DOCK2: variants seen among roughly 807,000 people sequenced by gnomAD.
DOCK2 encodes dedicator of cytokinesis 2, also known as dedicator of cytokinesis protein 2.
Under a neutral mutation model 248.9 loss-of-function variants are expected in DOCK2, and 87 were observed. That is an observed-to-expected ratio of 0.35 (90% confidence interval 0.29 to 0.42). The LOEUF is 0.42. Among genes scored for constraint, DOCK2 ranks in the 10% least tolerant of loss-of-function variants. The pLI is 1.00. For missense variants in DOCK2, 1,747 were observed against 2,300.2 expected, an observed-to-expected ratio of 0.76 and a Z score of 4.92; for synonymous variants, 805 against 821.6, an observed-to-expected ratio of 0.98 and a Z score of 0.35.
At chr5:170,075,024 A>C (rs1215215312) in intron 46 of DOCK2, among the ~76,000 whole-genome samples, 1 of 152,182 alleles carries the variant, frequency 6.6e-6, no homozygotes, top group Non-Finnish European at 1.5e-5. Context: ...TGGCAGGTTT[A>C]TGAATGTCTC....
At chr5:169,729,622 CAGAT>C (rs1272704217) in intron 22 of DOCK2, among the ~76,000 whole-genome samples, 1 of 152,202 alleles carries the variant, frequency 6.6e-6, no homozygotes, top group Non-Finnish European at 1.5e-5. Context: ...GTGAAAAAGA[CAGAT>C]GGAGTGTCTT....
chr5:169,727,893 A>T (rs1309447177), intron 22 of DOCK2, among the ~76,000 whole-genome samples: 1 of 152,174 alleles, frequency 6.6e-6, no homozygotes, highest in Non-Finnish European at 1.5e-5. Context: ...CATCTTTTGG[A>T]TAGAGTACTG....
intron 27 of DOCK2, among the ~76,000 whole-genome samples, chr5:169,906,660 C>G (rs1380486240): frequency 1.3e-5 from 2 of 152,120 alleles, no homozygotes; most frequent in East Asian, 3.9e-4. Flanking sequence ...TGACAAATTA[C>G]CTTGATGAAA....
chr5:169,699,781 G>A lies in DOCK2; in HGVS notation c.1133-233G>A, dbSNP rs572273265. ...ATAGGTGTTGTCATCCTCACTTTGGGCTTAGAGAAGTGGGATAATTTGCCA... is the reference window on the plus strand; with the variant it reads ...ATAGGTGTTGTCATCCTCACTTTGGACTTAGAGAAGTGGGATAATTTGCCA... On this transcript the variant is annotated intron_variant, in intron 12 of 51. Transcript: ENST00000520908. Among the ~76,000 whole-genome samples the A allele has an allele frequency of 2.5e-4, 38 of 152,304 alleles. 1 individual carries two copies. The highest frequency in any genetic ancestry group is 3.4e-3 in the Middle Eastern group (1 of 294).
chr5:169,906,561 G>A (rs1444760407), intron 27 of DOCK2, among the ~76,000 whole-genome samples: 2 of 152,210 alleles, frequency 1.3e-5, no homozygotes, highest in African/African-American at 4.8e-5. Context: ...TAAGTTCCTG[G>A]GTTCAAGCTA....
intron 27 of DOCK2, among the ~76,000 whole-genome samples, chr5:169,914,988 A>G (rs943166939): frequency 6.6e-6 from 1 of 152,246 alleles, no homozygotes; most frequent in African/African-American, 2.4e-5. Context: ...GCCTGACCCC[A>G]GAGGAGGCTC....
chr5:169,764,016 A>G lies in DOCK2; in HGVS notation c.2554+2391A>G, dbSNP rs1764631243. Among the ~76,000 whole-genome samples the G allele has an allele frequency of 6.6e-6, 1 of 152,164 alleles. No individual in the cohort carries two copies. Among genetic ancestry groups the G allele is most frequent in the Non-Finnish European group, 1.5e-5 (1 of 68,016 alleles). ...CAAGTTCCCAATGAATAAAACCTGA[A>G]TTCATTATGCTTACTAGGTGTCCAT... is the stretch of plus-strand genomic sequence containing the variant. On this transcript the variant is annotated intron_variant, in intron 25 of 51. Transcript: ENST00000520908. The surrounding 1 kb of genome is among the most constrained non-coding windows in gnomAD (Gnocchi z 4.3).
At chr5:169,750,420 A>T (rs1264391592) in intron 23 of DOCK2, among the ~76,000 whole-genome samples, 2 of 152,234 alleles carry the variant, frequency 1.3e-5, no homozygotes, top group Non-Finnish European at 2.9e-5. Flanking sequence ...TACATTGGTC[A>T]CTTAACTTCT....
chr5:169,761,144 C>T lies in DOCK2; in HGVS notation c.2448-375C>T, dbSNP rs114017634. On this transcript the variant is annotated intron_variant, in intron 24 of 51. Coordinates refer to ENST00000520908, the MANE Select transcript of DOCK2 (RefSeq NM_004946.3). ...TCTTGTTTCTTTAACTTCCTAGCTG[C>T]ATAACCTTAGAAAAGTTAGCCTTTC... 2.5e-3 allele frequency among the ~76,000 whole-genome samples: 384 copies of T among 152,294 alleles called. 2 individuals are homozygous for T. Among genetic ancestry groups the T allele is most frequent in the African/African-American group, 9.0e-3 (375 of 41,554 alleles).
At chr5:170,028,072 G>C (rs975270759) in intron 34 of DOCK2, 124 bp downstream of exon 34, 1 of 725,318 alleles carries the variant, frequency 1.4e-6, no homozygotes, top group Non-Finnish European at 2.1e-6. Context: ...AGGCTCATGG[G>C]TATTGGCAAA....
intron 44 of DOCK2, among the ~76,000 whole-genome samples, chr5:170,059,028 C>A (rs940837630): frequency 6.6e-6 from 1 of 152,120 alleles, no homozygotes; most frequent in African/African-American, 2.4e-5. Context: ...ATTATTCTTC[C>A]CATTTTACAG....
At chr5:169,757,052 T>A (rs967034341) in intron 23 of DOCK2, among the ~76,000 whole-genome samples, 5 of 152,152 alleles carry the variant, frequency 3.3e-5, no homozygotes, top group African/African-American at 1.2e-4. Flanking sequence ...AGCCTGCATT[T>A]GTGTTTGATT....
At chr5:170,012,675 G>A (rs571798898) in intron 32 of DOCK2, among the ~76,000 whole-genome samples, 4 of 152,334 alleles carry the variant, frequency 2.6e-5, no homozygotes, top group African/African-American at 9.6e-5. Flanking sequence ...GGCATTTGTT[G>A]TTTTGGATCC....
chr5:169,997,193 T>G (rs1481632302), intron 30 of DOCK2, among the ~76,000 whole-genome samples: 1 of 144,582 alleles, frequency 6.9e-6, no homozygotes, highest in East Asian at 2.0e-4. Flanking sequence ...CTTTTAGATA[T>G]GCATACACAT....
intron 25 of DOCK2, among the ~76,000 whole-genome samples, chr5:169,787,018 G>T (rs918961074): frequency 2.0e-5 from 3 of 152,116 alleles, no homozygotes; most frequent in Non-Finnish European, 4.4e-5. Context: ...GCTGATCTAA[G>T]TGCTTTATGT....
chr5:169,669,251 T>C, intron 2 of DOCK2, 37 bp from the exon 3 acceptor site: 7 of 1,611,818 alleles, frequency 4.3e-6, no homozygotes, highest in Non-Finnish European at 5.9e-6. Context: ...AAACTTGTAA[T>C]AAATGAGGGA....
At chr5:169,918,521 A>C (rs1477612065) in intron 27 of DOCK2, among the ~76,000 whole-genome samples, 1 of 152,234 alleles carries the variant, frequency 6.6e-6, no homozygotes, top group African/African-American at 2.4e-5. Context: ...AGATGGATCC[A>C]TATGTGGTGA....
intron 41 of DOCK2, among the ~76,000 whole-genome samples, 185 bp from the exon 42 acceptor site, chr5:170,055,120 C>T (rs1757074881): frequency 6.6e-6 from 1 of 152,188 alleles, no homozygotes; most frequent in Non-Finnish European, 1.5e-5. Flanking sequence ...GGTGACAGCA[C>T]TGATAAGGAC....
chr5:169,650,926 G>A (rs1757771473), intron 1 of DOCK2, among the ~76,000 whole-genome samples: 1 of 152,190 alleles, frequency 6.6e-6, no homozygotes, highest in African/African-American at 2.4e-5. Flanking sequence ...ATGGCCGAGG[G>A]CCTGAGGGCT....
Sources: gnomAD v4.1 joint callset for allele counts (sites outside exome capture counted in the v4.1 genomes callset) on GRCh38, gnomAD v4.1.1 for gene constraint, Gnocchi (gnomAD v3.1) non-coding constraint, MANE v1.5 for transcripts, NCBI Gene and HGNC (gene_info 2026-07-23, HGNC 2026-07-21) for gene names.